MYO3A: variants seen among roughly 807,000 people sequenced by gnomAD.
MYO3A encodes myosin IIIA.
MYO3A carries 180 observed loss-of-function variants against 192.7 expected under a neutral mutation model. That is an observed-to-expected ratio of 0.93 (90% CI 0.83 to 1.06). The LOEUF (loss-of-function observed/expected upper bound fraction) is 1.06, where lower values mean the gene tolerates loss of function less well. Among genes scored for constraint, MYO3A ranks in the 50% least tolerant of loss-of-function variants. The pLI is 0.00. For missense variants in MYO3A, 1,896 were observed against 1,905.0 expected (o/e 1.00, Z 0.09); for synonymous variants, 628 against 645.3 (o/e 0.97, Z 0.41).
chr10:26,153,709 C>T, intron 23 of MYO3A, 141 bp from the exon 24 acceptor site: 6 of 577,060 alleles, frequency 1.0e-5, no homozygotes, highest in East Asian at 3.1e-5. Flanking sequence ...TCCTAAGTTC[C>T]TCCATAAATA....
Position 26,187,949 on chromosome 10 carries a change from C to T in MYO3A, c.4439-5256C>T, listed in dbSNP as rs1398969179. On this transcript the variant is annotated intron_variant, in intron 31 of 34. Transcript: ENST00000642920. Reference sequence around the variant, plus strand: ...CTATTGTGAATAGTGCCACAATAAACATATGTGTGCATGTGTCTTTATAGC... The same window carrying T: ...CTATTGTGAATAGTGCCACAATAAATATATGTGTGCATGTGTCTTTATAGC... Among the ~76,000 whole-genome samples, 13 of 152,228 alleles carry T rather than the reference C, an allele frequency of 8.5e-5. No homozygotes were observed. In the South Asian group the frequency reaches 2.5e-3, roughly 29 times the overall value.
chr10:26,118,156 G>C (rs1210494254), intron 17 of MYO3A, among the ~76,000 whole-genome samples: 1 of 151,594 alleles, frequency 6.6e-6, no homozygotes, highest in Non-Finnish European at 1.5e-5. Context: ...AGAAGTGTCT[G>C]TTTATATCCT....
At position 25,962,807 on chromosome 10, in the gene MYO3A, A is replaced by G. The variant is rs116975081; in HGVS notation, c.303+7799A>G. On this transcript the variant is annotated intron_variant, in intron 4 of 34. Coordinates refer to ENST00000642920, the MANE Select transcript of MYO3A (RefSeq NM_017433.5). ...TAAAACAGAATCAAAATTGAGTTAA[A>G]TCAGTCTCATATAAGGCATTTGCTA... 8.6e-4 allele frequency among the ~76,000 whole-genome samples: 131 copies of G among 152,264 alleles called. 1 individual carries two copies. Among genetic ancestry groups the G allele is most frequent in the South Asian group, 5.0e-3 (24 of 4,820 alleles).
Position 26,081,133 on chromosome 10 carries a change from TCCCCC to T in MYO3A, c.1360-7062_1360-7058del, listed in dbSNP as rs60099269. Among the ~76,000 whole-genome samples the T allele has an allele frequency of 1.2e-3, 99 of 84,986 alleles. 5 individuals carry two copies. Among genetic ancestry groups the T allele is most frequent in the African/African-American group, 3.8e-3 (91 of 23,748 alleles). The allele number at this position is 84,986 out of a possible 152,430, so 55.8% of individuals were successfully genotyped here. On this transcript the variant is annotated intron_variant, in intron 14 of 34. Transcript: ENST00000642920. ...TAGAATTCCCAAGATTATATGCCCT[TCCCCC>T]CCCCCCCGCCCCCGCTACCAGGGTG... is the stretch of plus-strand genomic sequence containing the variant.
At chr10:26,088,037 A>G (rs1473815412) in intron 14 of MYO3A, among the ~76,000 whole-genome samples, 166 bp from the exon 15 acceptor site, 1 of 152,236 alleles carries the variant, frequency 6.6e-6, no homozygotes, top group Non-Finnish European at 1.5e-5. Context: ...GTGAATCCAC[A>G]TATGGGAGGG....
chr10:25,958,015 A>G (rs896827096), intron 4 of MYO3A, among the ~76,000 whole-genome samples: 2 of 152,044 alleles, frequency 1.3e-5, no homozygotes, highest in African/African-American at 4.8e-5. Flanking sequence ...GTTTGTAAAC[A>G]TTTTCTCCTA....
At chr10:25,947,376 T>A (rs1836912077) in intron 2 of MYO3A, among the ~76,000 whole-genome samples, 1 of 148,318 alleles carries the variant, frequency 6.7e-6, no homozygotes, top group Non-Finnish European at 1.5e-5. Context: ...ATGGTATTAT[T>A]TCTTTTCTTT....
chr10:26,201,520 A>C (rs1843671960), intron 33 of MYO3A, among the ~76,000 whole-genome samples: 2 of 151,198 alleles, frequency 1.3e-5, no homozygotes, highest in Non-Finnish European at 2.9e-5. Context: ...CTCTACTAAA[A>C]ATACAAAAAA....
intron 21 of MYO3A, among the ~76,000 whole-genome samples, 173 bp from the exon 22 acceptor site, chr10:26,145,273 A>G (rs368683137): frequency 1.3e-5 from 2 of 152,076 alleles, no homozygotes; most frequent in African/African-American, 4.8e-5. Context: ...GTGGAAATTA[A>G]TGATCTTGAG....
chr10:26,147,610 T>C (rs567283631), intron 23 of MYO3A, 51 bp downstream of exon 23: 1 of 1,612,008 alleles, frequency 6.2e-7, no homozygotes, highest in African/African-American at 1.3e-5. Context: ...ATCAAATAGT[T>C]TCTATCTCTG....
intron 31 of MYO3A, among the ~76,000 whole-genome samples, chr10:26,189,190 ATG>A (rs1265985665): frequency 6.6e-6 from 1 of 152,212 alleles, no homozygotes; most frequent in African/African-American, 2.4e-5. Context: ...TATGGATTCA[ATG>A]TGTGTGTCTG....
intron 14 of MYO3A, among the ~76,000 whole-genome samples, chr10:26,074,986 A>G (rs1199752610): frequency 6.6e-6 from 1 of 151,996 alleles, no homozygotes; most frequent in East Asian, 1.9e-4. Context: ...AGCACCATTT[A>G]TTGAAAAACT....
chr10:26,136,094 A>G (rs1340484644), intron 20 of MYO3A, among the ~76,000 whole-genome samples: 1 of 152,134 alleles, frequency 6.6e-6, no homozygotes, highest in African/African-American at 2.4e-5. Flanking sequence ...ATTTGAGTAT[A>G]TCACATCCTC....
At chr10:25,970,676 C>T (rs1838583066) in intron 4 of MYO3A, among the ~76,000 whole-genome samples, 1 of 151,784 alleles carries the variant, frequency 6.6e-6, no homozygotes, top group Non-Finnish European at 1.5e-5. Flanking sequence ...TAAACTTGAT[C>T]TCTTTAGACA....
At chr10:25,988,851 G>A (rs1049912480) in intron 4 of MYO3A, among the ~76,000 whole-genome samples, 4 of 149,760 alleles carry the variant, frequency 2.7e-5, no homozygotes, top group African/African-American at 4.9e-5. Context: ...AGAAAGTACA[G>A]CCAAATAGAG....
At chr10:25,992,756 T>C (rs1840134081) in intron 4 of MYO3A, among the ~76,000 whole-genome samples, 1 of 152,328 alleles carries the variant, frequency 6.6e-6, no homozygotes, top group African/African-American at 2.4e-5. Flanking sequence ...TCTGCATCTA[T>C]TGAGATAATC....
intron 10 of MYO3A, among the ~76,000 whole-genome samples, chr10:26,062,530 A>AAAAAAAAAAAAAAAAAAAAAAAAAAACG (rs1554816581): frequency 4.0e-5 from 5 of 125,946 alleles, no homozygotes; most frequent in Non-Finnish European, 6.8e-5. Context: ...AAAAAAAAAA[A>AAAAAAAAAAAAAAAAAAAAAAAAAAACG]AAATTATGGA....
chr10:26,178,711 T>C (rs1278871701), intron 31 of MYO3A, among the ~76,000 whole-genome samples: 1 of 152,194 alleles, frequency 6.6e-6, no homozygotes, highest in Non-Finnish European at 1.5e-5. Flanking sequence ...TCAGACAGTC[T>C]GAAGACAGTA....
At chr10:26,193,342 A>AT in intron 32 of MYO3A, 31 bp downstream of exon 32, 1 of 1,529,066 alleles carries the variant, frequency 6.5e-7, no homozygotes, top group Non-Finnish European at 9.1e-7. Flanking sequence ...ATCAGATGGG[A>AT]GCCATCACAT....
Sources: allele counts gnomAD v4.1 joint callset (sites outside exome capture counted in the v4.1 genomes callset), GRCh38; gene constraint gnomAD v4.1.1; transcripts MANE v1.5; gene names NCBI Gene and HGNC (gene_info 2026-07-23, HGNC 2026-07-21).